CNGB3: variants seen among roughly 807,000 people sequenced by gnomAD.
The protein encoded by CNGB3 is cyclic nucleotide gated channel subunit beta 3.
Under a neutral mutation model 92.8 loss-of-function variants are expected in CNGB3, and 86 were observed. The ratio of observed to expected loss-of-function variants is 0.93; its 90% CI spans 0.78 to 1.11. The LOEUF (loss-of-function observed/expected upper bound fraction) is 1.11, where lower values mean the gene tolerates loss of function less well. CNGB3 is among the 50% of genes least tolerant of loss of function. The pLI is 0.00. For synonymous variants in CNGB3, 333 were observed against 332.7 expected (o/e 1.00, Z -0.01); for missense variants, 1,026 against 956.8 (o/e 1.07, Z -0.95).
At position 86,659,232 on chromosome 8, in the gene CNGB3, A is replaced by G. The variant is rs1823582090; in HGVS notation, c.853-5170T>C. 3 of 745,802 alleles carry G rather than the reference A, an allele frequency of 4.0e-6. No homozygotes were observed. In the Admixed American group the frequency reaches 5.5e-5, roughly 14 times the overall value. The allele number at this position is 745,802 out of a possible 1,614,324, so 46.2% of individuals were successfully genotyped here. The stretch of plus-strand genomic sequence containing the variant: ...CTACCGCATGGCCCTCCCTCCTTTC[A>G]GATTTTCAGTATATTGGTCTTTCTC... On this transcript the variant is annotated intron_variant, in intron 6 of 17. Transcript: ENST00000320005.
In CNGB3 at chr8:86,644,085, AAAAG is replaced by A. The variant is rs528032348; in HGVS notation, c.1056-216_1056-213del. On this transcript the variant is annotated intron_variant, in intron 9 of 17. Transcript: ENST00000320005. Reference sequence around the variant, plus strand: ...GGATTGACAGAGTGTAAAGAAAAAAAAAAGAAAAAGAAAACTTCCTCTCTTTTCA... The same window carrying A: ...GGATTGACAGAGTGTAAAGAAAAAAAAAAAAGAAAACTTCCTCTCTTTTCA... Among the ~76,000 whole-genome samples the A allele has an allele frequency of 5.6e-3, 841 of 151,206 alleles. 9 individuals are homozygous for A. The highest frequency in any genetic ancestry group is 0.02 in the African/African-American group (811 of 41,396).
At position 86,670,186 on chromosome 8, in the gene CNGB3, G is replaced by A. The variant is rs755219576; in HGVS notation, c.493+758C>T. On this transcript the variant is annotated intron_variant, in intron 4 of 17. Coordinates refer to ENST00000320005, the MANE Select transcript of CNGB3 (RefSeq NM_019098.5). Reference sequence around the variant, plus strand: ...TACACACATTTTTGTAGTTATTAGCGTGGTTGATAATAGTCCCTCCCCTTA... The same window carrying A: ...TACACACATTTTTGTAGTTATTAGCATGGTTGATAATAGTCCCTCCCCTTA... Among the ~76,000 whole-genome samples the A allele has an allele frequency of 1.2e-4, 18 of 152,138 alleles. 1 individual carries two copies. Among genetic ancestry groups the A allele is most frequent in the South Asian group, 6.2e-4 (3 of 4,830 alleles).
intron 3 of CNGB3, among the ~76,000 whole-genome samples, chr8:86,682,894 A>C (rs1291385272): frequency 6.6e-6 from 1 of 152,132 alleles, no homozygotes. Flanking sequence ...TGTAAGACAG[A>C]GTTCTAAACT....
At chr8:86,600,776 A>AT (rs533111246) in intron 15 of CNGB3, among the ~76,000 whole-genome samples, 697 of 38,390 alleles carry the variant, frequency 0.018, 48 homozygotes, top group African/African-American at 0.037. Flanking sequence ...CGCTCGGCTA[A>AT]TTTTTTTTTT....
chr8:86,734,013 G>T (rs763294930), intron 2 of CNGB3, among the ~76,000 whole-genome samples: 16 of 152,012 alleles, frequency 1.1e-4, no homozygotes, highest in Non-Finnish European at 2.1e-4. Flanking sequence ...AACTACAGGC[G>T]GGTGCTACTA....
intron 2 of CNGB3, among the ~76,000 whole-genome samples, chr8:86,734,793 G>T (rs140733000): frequency 6.6e-6 from 1 of 152,126 alleles, no homozygotes; most frequent in Non-Finnish European, 1.5e-5. Flanking sequence ...TTCAGACAGG[G>T]CATGAATGCT....
intron 15 of CNGB3, among the ~76,000 whole-genome samples, chr8:86,580,845 A>G (rs1821749505): frequency 6.6e-6 from 1 of 152,230 alleles, no homozygotes; most frequent in South Asian, 2.1e-4. Context: ...CTTGGAGTTA[A>G]TCTGTTAGAA....
chr8:86,578,626 G>A, intron 17 of CNGB3, 63 bp downstream of exon 17: 1 of 1,483,068 alleles, frequency 6.7e-7, no homozygotes, highest in Non-Finnish European at 9.4e-7. Flanking sequence ...GTGGGCGTTT[G>A]TGTGTATATA....
chr8:86,639,946 T>C (rs1823148547), intron 10 of CNGB3, among the ~76,000 whole-genome samples: 1 of 151,970 alleles, frequency 6.6e-6, no homozygotes, highest in Non-Finnish European at 1.5e-5. Flanking sequence ...GGCTGTGGAA[T>C]TTATCGAAAC....
At chr8:86,628,821 A>C in intron 12 of CNGB3, 98 bp downstream of exon 12, 1 of 1,330,140 alleles carries the variant, frequency 7.5e-7, no homozygotes. Flanking sequence ...GTTGTTTTTC[A>C]ACCTTTTGTT....
At chr8:86,589,433 G>A (rs1370978204) in intron 15 of CNGB3, among the ~76,000 whole-genome samples, 1 of 150,314 alleles carries the variant, frequency 6.7e-6, no homozygotes, top group Admixed American at 6.6e-5. Flanking sequence ...GTGATGTTAG[G>A]GTGTCAATTT....
intron 14 of CNGB3, among the ~76,000 whole-genome samples, chr8:86,605,680 C>T (rs761156922): frequency 7.9e-5 from 12 of 152,118 alleles, no homozygotes; most frequent in Non-Finnish European, 1.0e-4. Flanking sequence ...TCTGAGATGG[C>T]TGAGAGAATG....
intron 15 of CNGB3, among the ~76,000 whole-genome samples, chr8:86,581,929 A>G (rs945443313): frequency 6.6e-6 from 1 of 152,320 alleles, no homozygotes; most frequent in South Asian, 2.1e-4. Flanking sequence ...TAGCCAAATT[A>G]GTATAAAATG....
At chr8:86,601,205 C>G (rs1822290728) in intron 15 of CNGB3, among the ~76,000 whole-genome samples, 1 of 152,074 alleles carries the variant, frequency 6.6e-6, no homozygotes, top group African/African-American at 2.4e-5. Flanking sequence ...AATAAAAACT[C>G]AGATGTGTTT....
chr8:86,621,976 G>T (rs1329771243), intron 13 of CNGB3, among the ~76,000 whole-genome samples: 1 of 152,156 alleles, frequency 6.6e-6, no homozygotes, highest in Non-Finnish European at 1.5e-5. Flanking sequence ...AACCCGGGAG[G>T]CACAGGTTGC....
chr8:86,671,853 G>A (rs1193704529), intron 3 of CNGB3, among the ~76,000 whole-genome samples: 1 of 152,148 alleles, frequency 6.6e-6, no homozygotes, highest in Non-Finnish European at 1.5e-5. Context: ...AGCCTAGTCT[G>A]GCCTGGCCAA....
intron 2 of CNGB3, among the ~76,000 whole-genome samples, chr8:86,734,977 A>G (rs1439364492): frequency 6.6e-6 from 1 of 151,202 alleles, no homozygotes; most frequent in African/African-American, 2.4e-5. Context: ...TGCCTCAACT[A>G]AAGAGTTAGA....
At chr8:86,639,568 G>T (rs1400332321) in intron 10 of CNGB3, among the ~76,000 whole-genome samples, 5 of 151,976 alleles carry the variant, frequency 3.3e-5, no homozygotes, top group Admixed American at 1.3e-4. Context: ...AAGGCCTAAT[G>T]AGCAACCTTC....
chr8:86,692,657 G>A (rs1241549633), intron 3 of CNGB3, among the ~76,000 whole-genome samples: 1 of 152,096 alleles, frequency 6.6e-6, no homozygotes, highest in South Asian at 2.1e-4. Context: ...GCAGACACTT[G>A]GTTGGTGGAT....
Sources: allele counts gnomAD v4.1 joint callset (sites outside exome capture counted in the v4.1 genomes callset), GRCh38; gene constraint gnomAD v4.1.1; transcripts MANE v1.5; gene names NCBI Gene and HGNC (gene_info 2026-07-23, HGNC 2026-07-21).